Variants in CHCHD6 observed in about 807,000 individuals in gnomAD.
The protein encoded by CHCHD6 is MICOS complex subunit MIC25.
CHCHD6 carries 28 observed loss-of-function variants against 32.3 expected under a neutral mutation model. That is an observed-to-expected ratio of 0.87 (90% CI 0.64 to 1.19). The LOEUF (loss-of-function observed/expected upper bound fraction) is 1.19, where lower values mean the gene tolerates loss of function less well. CHCHD6 is among the 50% of genes most tolerant of loss of function. The pLI, the probability that CHCHD6 is intolerant of heterozygous loss-of-function variation, is 0.00. For missense variants in CHCHD6, 333 were observed against 307.0 expected (o/e 1.08, Z -0.63); for synonymous variants, 122 against 117.5 (o/e 1.04, Z -0.25).
In CHCHD6 at chr3:126,739,142, T is replaced by C. The variant is rs368456292; in HGVS notation, c.411+5920T>C. Among the ~76,000 whole-genome samples the C allele has an allele frequency of 2.2e-4, 33 of 152,078 alleles. 1 individual carries two copies. The South Asian group carries it at 6.9e-3, about 32-fold the overall frequency. On this transcript the variant is annotated intron_variant, in intron 4 of 7. Transcript: ENST00000290913. Reference sequence around the variant, plus strand: ...TCTGCATTGCCTGTGCTCAGATGACTGGTAAAAGGCATAAATGGGAGAAAA... The same window carrying C: ...TCTGCATTGCCTGTGCTCAGATGACCGGTAAAAGGCATAAATGGGAGAAAA...
chr3:126,723,277 C>T (rs1326767237), intron 1 of CHCHD6, among the ~76,000 whole-genome samples: 1 of 152,014 alleles, frequency 6.6e-6, no homozygotes, highest in African/African-American at 2.4e-5. Context: ...AGGAAATGTT[C>T]ATGGTAAAAA....
chr3:126,879,736 T>C (rs2077584307), intron 5 of CHCHD6, among the ~76,000 whole-genome samples: 1 of 152,200 alleles, frequency 6.6e-6, no homozygotes, highest in African/African-American at 2.4e-5. Flanking sequence ...TGATGTGAAA[T>C]ATCCTGAGTG....
intron 5 of CHCHD6, among the ~76,000 whole-genome samples, chr3:126,902,086 C>A (rs1310229291): frequency 6.6e-6 from 1 of 152,210 alleles, no homozygotes; most frequent in Admixed American, 6.5e-5. Context: ...AGCTCAGGTT[C>A]CCTGACCTTA....
At chr3:126,784,193 C>T (rs1938088653) in intron 4 of CHCHD6, among the ~76,000 whole-genome samples, 1 of 152,088 alleles carries the variant, frequency 6.6e-6, no homozygotes. Flanking sequence ...CTCAGTGGTG[C>T]CCATCTTTAT....
chr3:126,801,897 G>A (rs558331728), intron 4 of CHCHD6, among the ~76,000 whole-genome samples: 2 of 152,308 alleles, frequency 1.3e-5, no homozygotes, highest in South Asian at 2.1e-4. Context: ...AGCAGCATTC[G>A]CGGTTCATGA....
intron 4 of CHCHD6, among the ~76,000 whole-genome samples, chr3:126,765,242 C>G (rs1937320686): frequency 6.6e-6 from 1 of 152,186 alleles, no homozygotes; most frequent in Non-Finnish European, 1.5e-5. Context: ...AATTAAATAT[C>G]TATTTTAAAG....
intron 4 of CHCHD6, among the ~76,000 whole-genome samples, chr3:126,811,699 C>T (rs1939661807): frequency 6.6e-6 from 1 of 152,144 alleles, no homozygotes; most frequent in Admixed American, 6.5e-5. Context: ...TTATTAAATC[C>T]CCATGGCCCA....
intron 5 of CHCHD6, among the ~76,000 whole-genome samples, chr3:126,862,405 A>ACCTCCTCCTCCACCATCACCACCT (rs1559887360): frequency 4.7e-5 from 3 of 63,502 alleles, no homozygotes; most frequent in African/African-American, 6.6e-5. Flanking sequence ...TACCATCACC[A>ACCTCCTCCTCCACCATCACCACCT]CCTCCTCCTC....
chr3:126,918,582 A>G (rs2078202545), intron 6 of CHCHD6, among the ~76,000 whole-genome samples: 1 of 152,274 alleles, frequency 6.6e-6, no homozygotes, highest in South Asian at 2.1e-4. Context: ...AGACTATGTC[A>G]CATGGTGGGA....
chr3:126,879,550 T>C (rs945557707), intron 5 of CHCHD6, among the ~76,000 whole-genome samples: 1 of 152,228 alleles, frequency 6.6e-6, no homozygotes, highest in Non-Finnish European at 1.5e-5. Context: ...TCAAAAGTTA[T>C]CAGTTTCACA....
chr3:126,924,013 A>C (rs886892428), intron 6 of CHCHD6, among the ~76,000 whole-genome samples: 1 of 152,178 alleles, frequency 6.6e-6, no homozygotes, highest in Non-Finnish European at 1.5e-5. Flanking sequence ...CATGGGCACA[A>C]AGGGCACTGC....
At chr3:126,823,632 T>C (rs1940247754) in intron 4 of CHCHD6, among the ~76,000 whole-genome samples, 1 of 152,226 alleles carries the variant, frequency 6.6e-6, no homozygotes, top group African/African-American at 2.4e-5. Flanking sequence ...TATATAGTCA[T>C]GTCATCTAAA....
At chr3:126,792,480 A>G (rs138411027) in intron 4 of CHCHD6, among the ~76,000 whole-genome samples, 1 of 152,084 alleles carries the variant, frequency 6.6e-6, no homozygotes, top group Non-Finnish European at 1.5e-5. Context: ...ATTGAAATAC[A>G]TCTTTTACAT....
intron 5 of CHCHD6, among the ~76,000 whole-genome samples, chr3:126,874,141 G>C (rs73205618): frequency 0.013 from 2,038 of 152,258 alleles, 19 homozygotes; most frequent in African/African-American, 0.024. Context: ...AACTCATGAC[G>C]CCTCAGGACT....
chr3:126,720,684 C>T (rs1935239168), intron 1 of CHCHD6, among the ~76,000 whole-genome samples: 1 of 152,212 alleles, frequency 6.6e-6, no homozygotes, highest in Non-Finnish European at 1.5e-5. Context: ...GAAGTGCTGG[C>T]TTCAGGAAGT....
chr3:126,926,276 A>G (rs542283613), intron 6 of CHCHD6, among the ~76,000 whole-genome samples: 92 of 152,366 alleles, frequency 6.0e-4, no homozygotes, highest in Non-Finnish European at 1.1e-3. Context: ...GCATTTTGCT[A>G]GATGATAGGC....
intron 6 of CHCHD6, chr3:126,935,114 A>C (rs2078460319): frequency 1.0e-6 from 1 of 987,396 alleles, no homozygotes; most frequent in African/African-American, 1.7e-5. Flanking sequence ...TGTGAGCACG[A>C]ATCACCTGCT....
At chr3:126,914,494 A>C (rs1056421439) in intron 5 of CHCHD6, among the ~76,000 whole-genome samples, 186 bp from the exon 6 acceptor site, 1 of 152,178 alleles carries the variant, frequency 6.6e-6, no homozygotes, top group African/African-American at 2.4e-5. Context: ...AGCCATTGCT[A>C]TTCTAGGATT....
At chr3:126,915,574 A>G (rs559611609) in intron 6 of CHCHD6, among the ~76,000 whole-genome samples, 3 of 152,238 alleles carry the variant, frequency 2.0e-5, no homozygotes, top group Non-Finnish European at 4.4e-5. Flanking sequence ...CTCCCTCCCA[A>G]GAGTGAATTG....
Sources: gnomAD v4.1 joint callset for allele counts (sites outside exome capture counted in the v4.1 genomes callset) on GRCh38, gnomAD v4.1.1 for gene constraint, MANE v1.5 for transcripts, NCBI Gene and HGNC (gene_info 2026-07-23, HGNC 2026-07-21) for gene names.